The following TBK1 variants were observed in gnomAD, a reference collection of about 807,000 sequenced individuals.
TBK1 encodes TANK binding kinase 1.
Under a neutral mutation model 99.9 loss-of-function variants are expected in TBK1, and 37 were observed. The observed-to-expected ratio is 0.37, with a 90% CI of 0.28 to 0.49. The LOEUF (loss-of-function observed/expected upper bound fraction) is 0.49. Among genes scored for constraint, TBK1 ranks in the 20% least tolerant of loss-of-function variants. The pLI is 0.98. For missense variants in TBK1, 644 were observed against 872.5 expected, an observed-to-expected ratio of 0.74 and a Z score of 3.30; for synonymous variants, 258 against 279.8, an observed-to-expected ratio of 0.92 and a Z score of 0.78.
rs779330208 is a variant in TBK1 at position 64,502,036 on chromosome 12, A to C, written c.*655A>C. Reference sequence around the variant, plus strand: ...GTCATTAAAATTCTAAGGTCATTTCAACTGTTTTAAGCTGTATATTTCTTT... The same window carrying C: ...GTCATTAAAATTCTAAGGTCATTTCCACTGTTTTAAGCTGTATATTTCTTT... On this transcript the variant is annotated 3_prime_UTR_variant, in exon 21 of 21. Transcript: ENST00000331710. The C allele has an allele frequency of 1.6e-5, 2 of 127,154 alleles. No homozygotes were observed. The highest frequency in any genetic ancestry group is 3.8e-5 in the Non-Finnish European group (2 of 51,996). The allele number at this position is 127,154 out of a possible 1,614,324, so 7.9% of individuals were successfully genotyped here.
chr12:64,490,476 G>T (rs1400944844), intron 13 of TBK1, among the ~76,000 whole-genome samples: 1 of 150,816 alleles, frequency 6.6e-6, no homozygotes, highest in Non-Finnish European at 1.5e-5. Flanking sequence ...GAAATTTTTT[G>T]TAACATATTC....
Position 64,497,004 on chromosome 12 carries a change from G to A in TBK1, c.1816G>A (p.Val606Ile), listed in dbSNP as rs2136088188. The change falls in exon 17 of 21, where the codon GTT becomes ATT. Residue 606 changes from valine (V) to isoleucine (I), a missense_variant. Physicochemically the swap from Val to Ile is conservative, Grantham distance 29 (BLOSUM62 3). Coordinates refer to ENST00000331710, the MANE Select transcript of TBK1 (RefSeq NM_013254.4). ...TATGACGCACTTTACAGATGAATGTGTTAAAAAGTATGAGGCATTTTTGAA... is the reference window on the plus strand; with the variant it reads ...TATGACGCACTTTACAGATGAATGTATTAAAAAGTATGAGGCATTTTTGAA... ...KAMTHFTDEC[V>I]KKYEAFLNKS... 6.2e-7 allele frequency: 1 copy of A among 1,613,212 alleles called. No homozygotes were observed. The highest frequency in any genetic ancestry group is 1.7e-5 in the Admixed American group (1 of 59,980).
chr12:64,496,621 G>A (rs549339269), intron 16 of TBK1, among the ~76,000 whole-genome samples: 15 of 152,276 alleles, frequency 9.9e-5, no homozygotes, highest in Middle Eastern at 6.8e-3. Flanking sequence ...GGGGGAGAAA[G>A]ATTACCATTT....
intron 6 of TBK1, among the ~76,000 whole-genome samples, chr12:64,479,209 A>C (rs1178975736): frequency 6.6e-6 from 1 of 152,198 alleles, no homozygotes; most frequent in Non-Finnish European, 1.5e-5. Flanking sequence ...ATCAAAATTA[A>C]ACTTTTTTAA....
At chr12:64,497,071 G>A (rs1237168601) in intron 17 of TBK1, 21 bp downstream of exon 17, 4 of 1,597,672 alleles carry the variant, frequency 2.5e-6, no homozygotes, top group Middle Eastern at 1.7e-4. Context: ...TTCTTTTGGA[G>A]TGATTAGTGG....
intron 3 of TBK1, among the ~76,000 whole-genome samples, chr12:64,460,942 A>C (rs1229661068): frequency 6.6e-6 from 1 of 151,988 alleles, no homozygotes; most frequent in Non-Finnish European, 1.5e-5. Context: ...TTTGCCATGC[A>C]TGGAGGTGTA....
At position 64,497,960 on chromosome 12, in the gene TBK1, T is replaced by G; in HGVS notation, c.2067-8T>G. ...TTTTTGAGCAAAGGTGCTTGTTTAT[T>G]TTATTAGTATGAAGAAATTAAAGGA... is the stretch of plus-strand genomic sequence containing the variant. On this transcript the variant is annotated splice_polypyrimidine_tract_variant and splice_region_variant and intron_variant, in intron 19 of 20. Coordinates refer to ENST00000331710, the MANE Select transcript of TBK1 (RefSeq NM_013254.4). The G allele has an allele frequency of 6.2e-7, 1 of 1,606,372 alleles. No homozygotes were observed. The highest frequency in any genetic ancestry group is 1.7e-4 in the Middle Eastern group (1 of 6,024).
chr12:64,478,620 T>C (rs1322899478), intron 6 of TBK1, among the ~76,000 whole-genome samples: 1 of 152,152 alleles, frequency 6.6e-6, no homozygotes, highest in Non-Finnish European at 1.5e-5. Context: ...TTCTATAACT[T>C]GGGTATTTAA....
intron 13 of TBK1, among the ~76,000 whole-genome samples, chr12:64,490,665 C>T (rs950747456): frequency 9.9e-5 from 15 of 152,128 alleles, no homozygotes; most frequent in East Asian, 1.9e-4. Flanking sequence ...AGGCTGGGCG[C>T]GGTGGCTCAT....
chr12:64,500,898 A>G (rs953728363), intron 20 of TBK1, among the ~76,000 whole-genome samples: 1 of 151,684 alleles, frequency 6.6e-6, no homozygotes, highest in African/African-American at 2.4e-5. Context: ...AGCTGGGACT[A>G]TAGGCACACG....
chr12:64,495,500 A>G lies in TBK1; in HGVS notation c.1539A>G (p.Gly513=), dbSNP rs1166485816. The G allele has an allele frequency of 6.2e-7, 1 of 1,613,972 alleles. No individual in the cohort carries two copies. Among genetic ancestry groups the G allele is most frequent in the East Asian group, 2.2e-5 (1 of 44,866 alleles). ...TTATTTAGCTTTCCAGTTCTCAGGGAACAATAGAAACCAGTCTTCAGGATA... is the reference window on the plus strand; with the variant it reads ...TTATTTAGCTTTCCAGTTCTCAGGGGACAATAGAAACCAGTCTTCAGGATA... ...TKLLRLSSSQ[G]TIETSLQDID... Residue 513 remains glycine, a synonymous_variant, in exon 14 of 21, where the codon GGA becomes GGG. Coordinates refer to ENST00000331710, the MANE Select transcript of TBK1 (RefSeq NM_013254.4).
intron 6 of TBK1, 109 bp downstream of exon 6, chr12:64,474,499 T>G: frequency 1.8e-6 from 2 of 1,084,120 alleles, no homozygotes; most frequent in African/African-American, 3.2e-5. Context: ...TTAACAATCA[T>G]TTCTGATATT....
chr12:64,479,737 AT>A (rs1274740538), intron 6 of TBK1, among the ~76,000 whole-genome samples: 2 of 152,182 alleles, frequency 1.3e-5, no homozygotes, highest in Admixed American at 6.5e-5. Context: ...AAATTAATAT[AT>A]TTGTTGTGAA....
At chr12:64,497,440 A>G (rs1212795927) in intron 18 of TBK1, among the ~76,000 whole-genome samples, 181 bp downstream of exon 18, 1 of 152,146 alleles carries the variant, frequency 6.6e-6, no homozygotes, top group African/African-American at 2.4e-5. Flanking sequence ...CTGATAAACC[A>G]TCCTTTTATC....
At position 64,474,086 on chromosome 12, in the gene TBK1, G is replaced by C. The variant is rs575379829; in HGVS notation, c.541-144G>C. On this transcript the variant is annotated intron_variant, in intron 5 of 20. Coordinates refer to ENST00000331710, the MANE Select transcript of TBK1 (RefSeq NM_013254.4). The stretch of plus-strand genomic sequence containing the variant: ...GTGGAGGTTTGAGGAGGGAGGGGAA[G>C]ATGTGAAATAGTCTTTTCAGATTGG... The C allele has an allele frequency of 5.5e-6, 4 of 721,356 alleles. No homozygotes were observed. The South Asian group carries it at 8.4e-5, about 15-fold the overall frequency. The allele number at this position is 721,356 out of a possible 1,614,324, so 44.7% of individuals were successfully genotyped here.
chr12:64,491,864 A>G (rs1284268287), intron 13 of TBK1, among the ~76,000 whole-genome samples: 3 of 152,160 alleles, frequency 2.0e-5, no homozygotes, highest in Admixed American at 2.0e-4. Context: ...TCAGCAATGT[A>G]TTTTTCAGTG....
At chr12:64,465,503 A>T (rs1315740590) in intron 4 of TBK1, among the ~76,000 whole-genome samples, 1 of 138,324 alleles carries the variant, frequency 7.2e-6, no homozygotes, top group Non-Finnish European at 1.5e-5. Flanking sequence ...ATAATAGCAA[A>T]AAAAAAAAAA....
Position 64,496,351 on chromosome 12 carries a change from A to G in TBK1, c.1721-16A>G, listed in dbSNP as rs757223701. Reference sequence around the variant, plus strand: ...GATTCTATATTAACAACAGTAATATATTTTCCTATTTCTAGGATTAGCTTA... The same window carrying G: ...GATTCTATATTAACAACAGTAATATGTTTTCCTATTTCTAGGATTAGCTTA... On this transcript the variant is annotated splice_polypyrimidine_tract_variant and intron_variant, in intron 15 of 20. Coordinates refer to ENST00000331710, the MANE Select transcript of TBK1 (RefSeq NM_013254.4). The G allele has an allele frequency of 8.9e-7, 1 of 1,123,962 alleles. No individual in the cohort carries two copies. Among genetic ancestry groups the G allele is most frequent in the Non-Finnish European group, 1.3e-6 (1 of 784,750 alleles). 69.6% of individuals were successfully genotyped at this position (1,123,962 alleles called of 1,614,324 possible). A position where few individuals can be genotyped will look rare whatever the true frequency, so the allele number is the denominator to read the frequency against.
intron 2 of TBK1, among the ~76,000 whole-genome samples, chr12:64,458,835 T>C (rs895223682): frequency 6.6e-6 from 1 of 152,206 alleles, no homozygotes; most frequent in African/African-American, 2.4e-5. Flanking sequence ...TAACCCTTGC[T>C]GAACTGAGGG....
Sources: gnomAD v4.1 joint callset for allele counts (sites outside exome capture counted in the v4.1 genomes callset) on GRCh38, gnomAD v4.1.1 for gene constraint, MANE v1.5 for transcripts, NCBI Gene and HGNC (gene_info 2026-07-23, HGNC 2026-07-21) for gene names.